PCDH9: variants seen among roughly 807,000 people sequenced by gnomAD.
PCDH9 encodes protocadherin 9.
A neutral mutation model predicts 70.6 loss-of-function variants in PCDH9; 24 were observed. That is an observed-to-expected ratio of 0.34 (90% CI 0.25 to 0.48). PCDH9 has a LOEUF of 0.48. Ranked by LOEUF, PCDH9 falls within the 20% of genes least tolerant of loss-of-function variation. The probability of loss-of-function intolerance (pLI) is 0.99; values close to 1 mark genes in which losing one functional copy is unlikely to be tolerated. For synonymous variants in PCDH9, 562 were observed against 558.5 expected (o/e 1.01, Z -0.09); for missense variants, 1,281 against 1,503.6 (o/e 0.85, Z 2.45).
At chr13:66,687,996 T>C (rs146263764) in intron 3 of PCDH9, among the ~76,000 whole-genome samples, 1 of 152,202 alleles carries the variant, frequency 6.6e-6, no homozygotes, top group East Asian at 1.9e-4. Flanking sequence ...ATGCTTTCCT[T>C]TCTCCTTAAT....
At chr13:67,084,751 G>A (rs897542463) in intron 2 of PCDH9, among the ~76,000 whole-genome samples, 3 of 151,364 alleles carry the variant, frequency 2.0e-5, no homozygotes, top group Admixed American at 6.6e-5. Context: ...GGGGGATCAC[G>A]AGGTCAAGAG....
intron 3 of PCDH9, among the ~76,000 whole-genome samples, chr13:66,790,842 T>C (rs2080152750): frequency 6.6e-6 from 1 of 152,130 alleles, no homozygotes; most frequent in South Asian, 2.1e-4. Context: ...AAATCTCATG[T>C]CATGTAGAAG....
intron 2 of PCDH9, among the ~76,000 whole-genome samples, chr13:67,056,148 A>T (rs2085415833): frequency 6.6e-6 from 1 of 152,322 alleles, no homozygotes; most frequent in African/African-American, 2.4e-5. Context: ...ATTAATTCTC[A>T]TAAGGTGGTT....
chr13:67,075,479 T>A (rs2138168265), intron 2 of PCDH9, among the ~76,000 whole-genome samples: 2 of 152,256 alleles, frequency 1.3e-5, no homozygotes, highest in African/African-American at 4.8e-5. Flanking sequence ...TGCCATTCTC[T>A]GCTACAGCCT....
At chr13:66,783,506 A>C (rs114395725) in intron 3 of PCDH9, among the ~76,000 whole-genome samples, 2,874 of 152,292 alleles carry the variant, frequency 0.019, 88 homozygotes, top group African/African-American at 0.065. Flanking sequence ...TGTCATGAAC[A>C]ATAGAAGAAA....
chr13:66,780,743 C>T (rs897568974), intron 3 of PCDH9, among the ~76,000 whole-genome samples: 1 of 151,858 alleles, frequency 6.6e-6, no homozygotes, highest in African/African-American at 2.4e-5. Flanking sequence ...TCTTAGGTCT[C>T]CTCCACAGTG....
At chr13:66,943,089 T>G (rs572891722) in intron 2 of PCDH9, among the ~76,000 whole-genome samples, 1 of 152,058 alleles carries the variant, frequency 6.6e-6, no homozygotes, top group African/African-American at 2.4e-5. Context: ...TGTTACATAG[T>G]AAACATAGTT....
intron 4 of PCDH9, among the ~76,000 whole-genome samples, chr13:66,365,205 C>T (rs576403517): frequency 1.3e-5 from 2 of 152,260 alleles, no homozygotes; most frequent in South Asian, 2.1e-4. Context: ...AAAGTGAAGC[C>T]GCTACAGCAG....
intron 3 of PCDH9, among the ~76,000 whole-genome samples, chr13:66,783,004 C>G (rs907995223): frequency 6.6e-6 from 1 of 152,106 alleles, no homozygotes; most frequent in Non-Finnish European, 1.5e-5. Context: ...TGTAAAACAG[C>G]AAGGCAGGTC....
rs35271996 is a variant in PCDH9 at position 67,136,079 on chromosome 13, G to C, written c.3036+89326C>G. On this transcript the variant is annotated intron_variant, in intron 2 of 4. Coordinates refer to ENST00000377865, the MANE Select transcript of PCDH9 (RefSeq NM_203487.3). ...AGGATAAACTGCATATCTGACAGTG[G>C]TTGCTATCTGACAATGGTCTCATAA... Among the ~76,000 whole-genome samples the C allele has an allele frequency of 7.0e-3, 1,062 of 152,182 alleles. 6 individuals carry two copies. Among genetic ancestry groups the C allele is most frequent in the Non-Finnish European group, 0.011 (724 of 67,988 alleles).
At chr13:66,691,378 T>C (rs1273481671) in intron 3 of PCDH9, among the ~76,000 whole-genome samples, 1 of 152,168 alleles carries the variant, frequency 6.6e-6, no homozygotes, top group African/African-American at 2.4e-5. Context: ...TGTACTTCCA[T>C]TGACATAGTT....
At chr13:66,662,469 G>T (rs540755562) in intron 3 of PCDH9, among the ~76,000 whole-genome samples, 38 of 149,486 alleles carry the variant, frequency 2.5e-4, no homozygotes, top group African/African-American at 8.4e-4. Flanking sequence ...GTGAAACTCC[G>T]TCTCAAAAAA....
rs538804745 is a variant in PCDH9, at chr13:66,862,988, G to A, written c.3138+40516C>T. 1.2e-4 allele frequency among the ~76,000 whole-genome samples: 18 copies of A among 152,190 alleles called. No individual in the cohort carries two copies. The East Asian group carries it at 2.1e-3, about 18-fold the overall frequency. ...CATCACAGGTAAGAAATTCTTATCT[G>A]TATAATATTGCATGTGTCTTAACAG... is the stretch of plus-strand genomic sequence containing the variant. On this transcript the variant is annotated intron_variant, in intron 3 of 4. Transcript: ENST00000377865.
At chr13:66,527,370 G>C (rs140149559) in intron 4 of PCDH9, among the ~76,000 whole-genome samples, 4 of 151,724 alleles carry the variant, frequency 2.6e-5, no homozygotes, top group Non-Finnish European at 5.9e-5. Flanking sequence ...TCATCACTTT[G>C]TGTGTTAGAT....
chr13:66,471,634 G>GA (rs1958621523), intron 4 of PCDH9, among the ~76,000 whole-genome samples: 1 of 152,028 alleles, frequency 6.6e-6, no homozygotes, highest in Non-Finnish European at 1.5e-5. Context: ...TTAATAATGG[G>GA]ACTTTAAAGA....
intron 4 of PCDH9, among the ~76,000 whole-genome samples, chr13:66,562,110 G>A (rs1321579095): frequency 1.3e-5 from 2 of 152,042 alleles, no homozygotes; most frequent in African/African-American, 2.4e-5. Flanking sequence ...CTCACCGCAA[G>A]GGTCCACGGC....
At chr13:66,496,635 C>T (rs1025693553) in intron 4 of PCDH9, among the ~76,000 whole-genome samples, 2 of 152,076 alleles carry the variant, frequency 1.3e-5, no homozygotes, top group Non-Finnish European at 2.9e-5. Flanking sequence ...TTAAAAATGG[C>T]CTTTATACAA....
intron 2 of PCDH9, chr13:67,225,034 C>G: frequency 9.5e-7 from 1 of 1,054,968 alleles, no homozygotes; most frequent in Non-Finnish European, 1.1e-6. Context: ...CTTTTTAGAT[C>G]AAAAGGTAAG....
chr13:66,980,730 G>GTTTTTTTTGTTTTTT (rs2083730608), intron 2 of PCDH9, among the ~76,000 whole-genome samples: 1 of 70,872 alleles, frequency 1.4e-5, no homozygotes, highest in African/African-American at 5.3e-5. Context: ...TTTTTTCTTT[G>GTTTTTTTTGTTTTTT]TTTTTTTTTT....
Sources: allele counts gnomAD v4.1 joint callset (sites outside exome capture counted in the v4.1 genomes callset), GRCh38; gene constraint gnomAD v4.1.1; transcripts MANE v1.5; gene names NCBI Gene and HGNC (gene_info 2026-07-23, HGNC 2026-07-21).